The following NEGR1 variants were observed in gnomAD, a reference collection of about 807,000 sequenced individuals.
NEGR1 encodes neuronal growth regulator 1, also known as IgLON family member 4.
A neutral mutation model predicts 40.9 loss-of-function variants in NEGR1; 10 were observed. The observed-to-expected ratio is 0.24, with a 90% confidence interval of 0.15 to 0.42. The LOEUF (loss-of-function observed/expected upper bound fraction) is 0.42. Ranked by LOEUF, NEGR1 falls within the 10% of genes least tolerant of loss-of-function variation. The pLI is 1.00. For missense variants in NEGR1, 352 were observed against 438.9 expected, an observed-to-expected ratio of 0.80 and a Z score of 1.77; for synonymous variants, 185 against 166.8, an observed-to-expected ratio of 1.11 and a Z score of -0.84.
intron 1 of NEGR1, among the ~76,000 whole-genome samples, chr1:72,058,587 G>T (rs914082035): frequency 2.6e-5 from 4 of 151,572 alleles, no homozygotes; most frequent in Non-Finnish European, 4.4e-5. Context: ...AATTACCAGG[G>T]TAATGCCATT....
intron 1 of NEGR1, among the ~76,000 whole-genome samples, chr1:72,255,695 C>A (rs868553989): frequency 2.6e-5 from 4 of 151,948 alleles, no homozygotes; most frequent in African/African-American, 9.7e-5. Flanking sequence ...GGACTACAGG[C>A]ATGCACCACC....
At chr1:72,143,914 A>AATATATATAT (rs61582804) in intron 1 of NEGR1, among the ~76,000 whole-genome samples, 1 of 130,614 alleles carries the variant, frequency 7.7e-6, no homozygotes, top group African/African-American at 3.0e-5. Flanking sequence ...TGATATATAT[A>AATATATATAT]ATATATATAT....
At chr1:71,418,217 T>TG (rs759710474) in intron 6 of NEGR1, among the ~76,000 whole-genome samples, 2 of 151,446 alleles carry the variant, frequency 1.3e-5, no homozygotes, top group Non-Finnish European at 2.9e-5. Flanking sequence ...TATAGTTCAA[T>TG]GGGGAAAAAA....
At chr1:71,595,033 G>A (rs2101524234) in intron 5 of NEGR1, among the ~76,000 whole-genome samples, 1 of 152,344 alleles carries the variant, frequency 6.6e-6, no homozygotes, top group African/African-American at 2.4e-5. Context: ...GGCACTATAT[G>A]CTTATGTTCC....
At chr1:71,881,259 G>T (rs535467795) in intron 2 of NEGR1, among the ~76,000 whole-genome samples, 2 of 152,070 alleles carry the variant, frequency 1.3e-5, no homozygotes, top group South Asian at 2.1e-4. Flanking sequence ...GAAAACAGAA[G>T]AAAAAGGAGA....
intron 6 of NEGR1, among the ~76,000 whole-genome samples, chr1:71,512,488 A>G (rs528389828): frequency 1.3e-3 from 203 of 152,304 alleles, no homozygotes; most frequent in African/African-American, 4.5e-3. Context: ...AGGCTCAACT[A>G]AAGGCAAAAT....
At chr1:71,569,644 TG>T (rs1301518188) in intron 6 of NEGR1, among the ~76,000 whole-genome samples, 3 of 152,230 alleles carry the variant, frequency 2.0e-5, no homozygotes, top group South Asian at 2.1e-4. Context: ...GGGTTACACA[TG>T]GTTCTTGCCC....
chr1:72,069,555 T>C (rs1027375029), intron 1 of NEGR1, among the ~76,000 whole-genome samples: 3 of 152,172 alleles, frequency 2.0e-5, no homozygotes, highest in Admixed American at 6.6e-5. Context: ...TTGATACCTG[T>C]GAAATGGATA....
At chr1:72,001,341 C>T (rs1261250291) in intron 1 of NEGR1, among the ~76,000 whole-genome samples, 1 of 151,918 alleles carries the variant, frequency 6.6e-6, no homozygotes, top group African/African-American at 2.4e-5. Flanking sequence ...TCAGGTAGCA[C>T]TTAGACAAGC....
chr1:72,056,804 T>G (rs1051001859), intron 1 of NEGR1, among the ~76,000 whole-genome samples: 1 of 150,652 alleles, frequency 6.6e-6, no homozygotes, highest in Non-Finnish European at 1.5e-5. Context: ...TTGAAGTCTA[T>G]TCATATCATA....
At chr1:72,104,528 T>C (rs1052029473) in intron 1 of NEGR1, among the ~76,000 whole-genome samples, 2 of 152,096 alleles carry the variant, frequency 1.3e-5, no homozygotes, top group African/African-American at 4.8e-5. Flanking sequence ...GACACCTTAA[T>C]TTTAGCCCTT....
At chr1:71,420,709 T>C (rs1646388655) in intron 6 of NEGR1, among the ~76,000 whole-genome samples, 1 of 152,050 alleles carries the variant, frequency 6.6e-6, no homozygotes, top group Non-Finnish European at 1.5e-5. Flanking sequence ...AGAGAATTAA[T>C]GTAAGTGTCT....
intron 3 of NEGR1, 78 bp downstream of exon 3, chr1:71,776,094 G>A: frequency 9.4e-7 from 1 of 1,066,582 alleles, no homozygotes. Flanking sequence ...TGACTCTTAA[G>A]TTCTGAACAA....
At chr1:71,674,230 A>G (rs1652533273) in intron 4 of NEGR1, among the ~76,000 whole-genome samples, 2 of 152,196 alleles carry the variant, frequency 1.3e-5, no homozygotes, top group African/African-American at 4.8e-5. Context: ...ACTCAAATGC[A>G]AACATCTATA....
intron 1 of NEGR1, among the ~76,000 whole-genome samples, chr1:72,274,235 C>T (rs774344408): frequency 1.1e-4 from 17 of 152,044 alleles, no homozygotes; most frequent in Admixed American, 7.9e-4. Flanking sequence ...TACAGGCTTT[C>T]TCCAAATGAC....
intron 6 of NEGR1, among the ~76,000 whole-genome samples, chr1:71,463,811 A>G (rs544712215): frequency 1.6e-4 from 24 of 152,296 alleles, no homozygotes; most frequent in African/African-American, 5.8e-4. Flanking sequence ...TGATGCAGCT[A>G]CATATTTTGT....
chr1:71,596,169 C>T (rs1173953130), intron 5 of NEGR1, among the ~76,000 whole-genome samples: 1 of 151,932 alleles, frequency 6.6e-6, no homozygotes, highest in African/African-American at 2.4e-5. Flanking sequence ...CATTTTTCTT[C>T]ATTGCGTTTT....
At chr1:71,461,332 C>T (rs1323526032) in intron 6 of NEGR1, among the ~76,000 whole-genome samples, 2 of 152,110 alleles carry the variant, frequency 1.3e-5, no homozygotes, top group African/African-American at 2.4e-5. Context: ...ATACAGATCA[C>T]TTCTAAATGA....
chr1:72,176,236 G>A (rs1173326212), intron 1 of NEGR1, among the ~76,000 whole-genome samples: 1 of 152,032 alleles, frequency 6.6e-6, no homozygotes, highest in Non-Finnish European at 1.5e-5. Flanking sequence ...TCTTACCTCA[G>A]AGGATGTCAC....
Sources: allele counts gnomAD v4.1 joint callset (sites outside exome capture counted in the v4.1 genomes callset), GRCh38; gene constraint gnomAD v4.1.1; transcripts MANE v1.5; gene names NCBI Gene and HGNC (gene_info 2026-07-23, HGNC 2026-07-21).